The following ADGRF3 variants were observed in gnomAD, a reference collection of about 807,000 sequenced individuals.
The protein encoded by ADGRF3 is G protein-coupled receptor 113.
ADGRF3 carries 85 observed loss-of-function variants against 93.2 expected under a neutral mutation model. That is an observed-to-expected ratio of 0.91 (90% CI 0.77 to 1.09). The LOEUF (loss-of-function observed/expected upper bound fraction) is 1.09, where lower values mean the gene tolerates loss of function less well. ADGRF3 is among the 50% of genes least tolerant of loss of function. ADGRF3 has a pLI of 0.00. For synonymous variants in ADGRF3, 534 were observed against 532.5 expected (o/e 1.00, Z -0.04); for missense variants, 1,125 against 1,246.2 (o/e 0.90, Z 1.46).
intron 1 of ADGRF3, among the ~76,000 whole-genome samples, chr2:26,322,070 G>C (rs1451190958): frequency 6.6e-6 from 1 of 151,658 alleles, no homozygotes; most frequent in African/African-American, 2.4e-5. Context: ...AGATCATGAG[G>C]TCAGGAGTTC....
intron 1 of ADGRF3, among the ~76,000 whole-genome samples, chr2:26,326,647 C>T (rs1675448810): frequency 6.6e-6 from 1 of 152,066 alleles, no homozygotes; most frequent in African/African-American, 2.4e-5. Flanking sequence ...AAATGTGTGT[C>T]AAGGGCAAAA....
At chr2:26,338,034 TA>T (rs1471641544) in intron 1 of ADGRF3, among the ~76,000 whole-genome samples, 1 of 150,764 alleles carries the variant, frequency 6.6e-6, no homozygotes, top group Non-Finnish European at 1.5e-5. Context: ...AAAAATAAAA[TA>T]AATAAATAAA....
At chr2:26,315,085 G>A (rs888401982) in intron 5 of ADGRF3, among the ~76,000 whole-genome samples, 2 of 152,290 alleles carry the variant, frequency 1.3e-5, no homozygotes, top group African/African-American at 4.8e-5. Flanking sequence ...TGCAAATCTT[G>A]CCCGTGTCTG....
chr2:26,334,321 C>T (rs1474703053), intron 1 of ADGRF3, among the ~76,000 whole-genome samples: 2 of 151,374 alleles, frequency 1.3e-5, no homozygotes, highest in Non-Finnish European at 2.9e-5. Context: ...TTTAAAAAAC[C>T]ACCCACAATG....
Position 26,311,205 on chromosome 2 carries a change from G to T in ADGRF3, c.2319C>A (p.Cys773Ter), listed in dbSNP as rs138298215. The T allele has an allele frequency of 2.2e-4, 356 of 1,602,418 alleles. 2 individuals are homozygous for T. Among genetic ancestry groups the T allele is most frequent in the Non-Finnish European group, 2.7e-4 (321 of 1,174,806 alleles). Residue 773 changes from cysteine to a stop codon, truncating the protein, a stop_gained, in exon 10 of 14, where the codon TGC becomes TGA. Coordinates refer to ENST00000651242, the MANE Select transcript of ADGRF3 (RefSeq NM_001321971.2). LOFTEE classifies it high-confidence loss of function. ...AATGACAGAGGAAGGCGGCAGCAAG[G>T]CAGAGCGGGCTTCGGGGCCCTGGAG... The part of the protein sequence containing the change: ...FLSPGPRSPL[C>*]LAAAFLCHFL...
chr2:26,339,288 G>A (rs1359117633), intron 1 of ADGRF3, among the ~76,000 whole-genome samples: 7 of 152,056 alleles, frequency 4.6e-5, no homozygotes, highest in Admixed American at 2.0e-4. Flanking sequence ...TTGAGGTCAG[G>A]AGTTCGAGAC....
At chr2:26,319,154 G>A (rs569768854) in intron 1 of ADGRF3, 139 of 1,235,664 alleles carry the variant, frequency 1.1e-4, no homozygotes, top group Non-Finnish European at 9.3e-5. Context: ...GAGGGAGCCA[G>A]GGCTGAATTT....
chr2:26,323,506 T>C (rs1675271080), intron 1 of ADGRF3, among the ~76,000 whole-genome samples: 1 of 152,172 alleles, frequency 6.6e-6, no homozygotes, highest in African/African-American at 2.4e-5. Flanking sequence ...CCTGTTATGT[T>C]GTTCAGGCTG....
chr2:26,310,847 G>T lies in ADGRF3; in HGVS notation c.2677C>A (p.Pro893Thr), dbSNP rs184845260. 1 of 1,613,204 alleles carries T rather than the reference G, an allele frequency of 6.2e-7. No individual in the cohort carries two copies. Among genetic ancestry groups the T allele is most frequent in the Non-Finnish European group, 8.5e-7 (1 of 1,179,614 alleles). The change falls in exon 10 of 14, where the codon CCA becomes ACA. Residue 893 changes from proline to threonine, a missense_variant. Physicochemically the swap from Pro to Thr is conservative, Grantham distance 38 (BLOSUM62 -1). Transcript: ENST00000651242. ...AGCAGAGCTTGGCGCTTCTCTGCTG[G>T]GGGTCCCTCTGACAGCGAAGGTCTC... Reference protein sequence around the residue: ...LLRPSLSEGPPAEKRQALLGV... With the variant: ...LLRPSLSEGPTAEKRQALLGV...
intron 1 of ADGRF3, among the ~76,000 whole-genome samples, chr2:26,327,417 G>A (rs1028715550): frequency 1.3e-5 from 2 of 152,110 alleles, no homozygotes; most frequent in Admixed American, 6.5e-5. Context: ...TTCCCTTTGA[G>A]CTGGATAGAG....
At chr2:26,330,487 G>A (rs2147910818) in intron 1 of ADGRF3, among the ~76,000 whole-genome samples, 1 of 152,272 alleles carries the variant, frequency 6.6e-6, no homozygotes, top group East Asian at 1.9e-4. Context: ...GGGCCTTGTA[G>A]CAGAGACAAA....
chr2:26,330,592 C>A (rs1235099156), intron 1 of ADGRF3, among the ~76,000 whole-genome samples: 1 of 152,266 alleles, frequency 6.6e-6, no homozygotes, highest in African/African-American at 2.4e-5. Context: ...CGGATCCTCA[C>A]CGCCACTGCT....
intron 1 of ADGRF3, among the ~76,000 whole-genome samples, chr2:26,322,700 TATCAA>T (rs1310111067): frequency 6.6e-6 from 1 of 152,194 alleles, no homozygotes; most frequent in Non-Finnish European, 1.5e-5. Context: ...GTAATATTTG[TATCAA>T]ATCAATCAAT....
At chr2:26,312,734 C>G (rs1477296763) in intron 9 of ADGRF3, among the ~76,000 whole-genome samples, 1 of 152,220 alleles carries the variant, frequency 6.6e-6, no homozygotes, top group Non-Finnish European at 1.5e-5. Context: ...CCTCCAACCC[C>G]CATGTGCTCC....
rs751893157 is a variant in ADGRF3, at chr2:26,319,015, G to C, written c.115-1453C>G. 8 of 1,551,508 alleles carry C rather than the reference G, an allele frequency of 5.2e-6. No individual in the cohort carries two copies. The African/African-American group carries it at 9.6e-5, about 19-fold the overall frequency. On this transcript the variant is annotated intron_variant, in intron 1 of 13. Transcript: ENST00000651242. ...TGACCCCAGCAGGGGAAGAGTTGTG[G>C]CCAGGAGCAGCAGTGGGGCAGCCGA...
At position 26,346,111 on chromosome 2, in the gene ADGRF3, G is replaced by A; in HGVS notation, c.114+10C>T. 1 of 1,572,468 alleles carries A rather than the reference G, an allele frequency of 6.4e-7. No homozygotes were observed. Among genetic ancestry groups the A allele is most frequent in the Non-Finnish European group, 8.6e-7 (1 of 1,161,284 alleles). ...ACGCGTGCGCGGTGGGCGGAGCGCG[G>A]CTCTCCTACCTTCTCGGGCAGCCCA... On this transcript the variant is annotated intron_variant, in intron 1 of 13. Coordinates refer to ENST00000651242, the MANE Select transcript of ADGRF3 (RefSeq NM_001321971.2).
chr2:26,319,079 CGATGCA>C, intron 1 of ADGRF3: 1 of 1,531,044 alleles, frequency 6.5e-7, no homozygotes, highest in Non-Finnish European at 8.8e-7. Flanking sequence ...TACAAGCCCA[CGATGCA>C]AATTTCCGCA....
rs916075141 is a variant in ADGRF3, at chr2:26,313,922, A to G, written c.929-19T>C. On this transcript the variant is annotated intron_variant, in intron 6 of 13. Transcript: ENST00000651242. ...GAGGAAGCTGAAGGCAAAACGAAGA[A>G]GGGAACTGTCATTGGGCCAGGGACA... The G allele has an allele frequency of 1.9e-6, 3 of 1,613,526 alleles. No homozygotes were observed. The highest frequency in any genetic ancestry group is 1.7e-5 in the Admixed American group (1 of 60,014).
rs115610543 is a variant in ADGRF3, at chr2:26,308,809, G to T, written c.*277C>A. ...GAGAAAGTTTACTTGTAATTATTCC[G>T]CACTTTGATATCTGTCGATTATTTC... On this transcript the variant is annotated 3_prime_UTR_variant, in exon 14 of 14. Transcript: ENST00000651242. The T allele has an allele frequency of 4.6e-6, 2 of 433,806 alleles. No homozygotes were observed. Among genetic ancestry groups the T allele is most frequent in the Middle Eastern group, 5.8e-4 (1 of 1,738 alleles). 26.9% of individuals were successfully genotyped at this position (433,806 alleles called of 1,614,324 possible).
Sources: gnomAD v4.1 joint callset for allele counts (sites outside exome capture counted in the v4.1 genomes callset) on GRCh38, gnomAD v4.1.1 for gene constraint, MANE v1.5 for transcripts, NCBI Gene and HGNC (gene_info 2026-07-23, HGNC 2026-07-21) for gene names.